Variants in C1orf185 observed in about 807,000 individuals in gnomAD.
C1orf185 encodes the protein chromosome 1 open reading frame 185, also known as uncharacterized protein C1orf185.
In C1orf185, 13 loss-of-function variants were observed where a neutral mutation model predicts 16.1. The observed-to-expected ratio is 0.81, with a 90% CI of 0.53 to 1.28. C1orf185 has a LOEUF of 1.28. Among genes scored for constraint, C1orf185 ranks in the 50% most tolerant of loss-of-function variants. C1orf185 has a pLI of 0.00. For synonymous variants in C1orf185, 80 were observed against 76.9 expected (o/e 1.04, Z -0.21); for missense variants, 220 against 225.2 (o/e 0.98, Z 0.15).
Position 51,147,699 on chromosome 1 carries a change from A to G in C1orf185, c.528A>G (p.Glu176=), listed in dbSNP as rs1341194516. 1.3e-6 allele frequency: 2 copies of G among 1,551,442 alleles called. No homozygotes were observed. Among genetic ancestry groups the G allele is most frequent in the East Asian group, 2.4e-5 (1 of 40,900 alleles). Residue 176 remains glutamate (E), a synonymous_variant, in exon 5 of 5, where the codon GAA becomes GAG. Transcript: ENST00000371759. ...PMPSLGEPLM[E]KVFSYLSTIS... ...CTTCTCTCGGGGAACCTCTAATGGA[A>G]AAAGTATTTTCATACCTGTCAACCA...
At chr1:51,108,398 T>G (rs1156421231) in intron 1 of C1orf185, among the ~76,000 whole-genome samples, 6 of 152,188 alleles carry the variant, frequency 3.9e-5, no homozygotes, top group Non-Finnish European at 7.4e-5. Flanking sequence ...TATTGGGCTA[T>G]CCCTCACCTC....
At chr1:51,130,862 T>A (rs1646278066) in intron 3 of C1orf185, among the ~76,000 whole-genome samples, 1 of 152,196 alleles carries the variant, frequency 6.6e-6, no homozygotes, top group African/African-American at 2.4e-5. Context: ...TATCATAGTT[T>A]TACATCTTAC....
chr1:51,136,540 T>C (rs1266076671), intron 3 of C1orf185, among the ~76,000 whole-genome samples: 1 of 152,058 alleles, frequency 6.6e-6, no homozygotes, highest in African/African-American at 2.4e-5. Context: ...TGTTTTGTAC[T>C]GGTACAAAAA....
chr1:51,128,213 G>C (rs150470320), intron 3 of C1orf185, among the ~76,000 whole-genome samples: 1 of 152,024 alleles, frequency 6.6e-6, no homozygotes. Context: ...TCATGGGAAA[G>C]TACCTGAACC....
Position 51,127,885 on chromosome 1 carries a change from GTTTTTT to G in C1orf185, c.258+9099_258+9104del, listed in dbSNP as rs769457494. Among the ~76,000 whole-genome samples, 10 of 115,326 alleles carry G rather than the reference GTTTTTT, an allele frequency of 8.7e-5. No individual in the cohort carries two copies. The Admixed American group carries it at 9.1e-4, about 10-fold the overall frequency. 75.7% of individuals were successfully genotyped at this position (115,326 alleles called of 152,430 possible). A position where few individuals can be genotyped will look rare whatever the true frequency, so the allele number is the denominator to read the frequency against. ...ATATATTCTCATTTTTCTTTTCTTT[GTTTTTT>G]TTTTTTTTTTTTTTGAGATAGAGTC... is the stretch of plus-strand genomic sequence containing the variant. On this transcript the variant is annotated intron_variant, in intron 3 of 4. Coordinates refer to ENST00000371759, the MANE Select transcript of C1orf185 (RefSeq NM_001136508.2).
intron 1 of C1orf185, among the ~76,000 whole-genome samples, chr1:51,103,391 G>A (rs1646046098): frequency 7.2e-6 from 1 of 139,012 alleles, no homozygotes; most frequent in African/African-American, 2.6e-5. Context: ...GGGCAACAGA[G>A]TGAGATCTTG....
rs1646410634 is a variant in C1orf185 at position 51,147,713 on chromosome 1, A to G, written c.542A>G (p.Tyr181Cys). 6.4e-7 allele frequency: 1 copy of G among 1,551,014 alleles called. No individual in the cohort carries two copies. The highest frequency in any genetic ancestry group is 1.4e-5 in the African/African-American group (1 of 73,124). ...CCTCTAATGGAAAAAGTATTTTCAT[A>G]CCTGTCAACCATTTCATTAGAAGAG... ...GEPLMEKVFSYLSTISLEEGT... is the reference protein window; with the variant it reads ...GEPLMEKVFSCLSTISLEEGT... Residue 181 changes from tyrosine (Y) to cysteine (C), a missense_variant, in exon 5 of 5, where the codon TAC (tyrosine) becomes TGC (cysteine). By Grantham distance (194) the Tyr-to-Cys change is radical (BLOSUM62 -2). Transcript: ENST00000371759.
rs1217708587 is a variant in C1orf185, at chr1:51,112,471, T to A, written c.24T>A (p.Phe8Leu). 4 of 1,542,116 alleles carry A rather than the reference T, an allele frequency of 2.6e-6. No homozygotes were observed. The highest frequency in any genetic ancestry group is 2.8e-5 in the African/African-American group (2 of 72,328). Residue 8 changes from phenylalanine to leucine, a missense_variant, in exon 2 of 5, where the codon TTT becomes TTA. Phe to Leu is a conservative substitution (Grantham distance 22). Transcript: ENST00000371759. The stretch of plus-strand genomic sequence containing the variant: ...TGTAATTTGTTTGTATAGGTTTTTT[T>A]AATTACTTGACCTATTTTCTTGCTG... MASPKGF[F>L]NYLTYFLAAG...
At chr1:51,102,795 T>C (rs1294971751) in intron 1 of C1orf185, among the ~76,000 whole-genome samples, 1 of 152,100 alleles carries the variant, frequency 6.6e-6, no homozygotes, top group African/African-American at 2.4e-5. Flanking sequence ...CTTTTTCAAC[T>C]TGTAATTTGT....
At chr1:51,103,925 A>C (rs1463918685) in intron 1 of C1orf185, among the ~76,000 whole-genome samples, 2 of 152,240 alleles carry the variant, frequency 1.3e-5, no homozygotes, top group Admixed American at 1.3e-4. Context: ...AAGTGAGAAC[A>C]TTAAGATCCA....
chr1:51,105,790 G>A (rs1052943697), intron 1 of C1orf185, among the ~76,000 whole-genome samples: 6 of 152,104 alleles, frequency 3.9e-5, no homozygotes, highest in African/African-American at 9.7e-5. Context: ...TATATAATAC[G>A]ACTTTATGAT....
intron 3 of C1orf185, among the ~76,000 whole-genome samples, chr1:51,119,029 A>G (rs1262788897): frequency 6.6e-6 from 1 of 152,218 alleles, no homozygotes; most frequent in Non-Finnish European, 1.5e-5. Flanking sequence ...TGCATTCCAC[A>G]TATTGGGATT....
chr1:51,106,979 G>C (rs578186024), intron 1 of C1orf185, among the ~76,000 whole-genome samples: 11 of 152,238 alleles, frequency 7.2e-5, no homozygotes, highest in Admixed American at 5.2e-4. Flanking sequence ...GGATGGTTTT[G>C]ATCTCCTGAC....
chr1:51,112,513 G>T lies in C1orf185; in HGVS notation c.66G>T (p.Leu22Phe). 6.4e-7 allele frequency: 1 copy of T among 1,550,468 alleles called. No individual in the cohort carries two copies. The highest frequency in any genetic ancestry group is 1.2e-5 in the South Asian group (1 of 83,808). Reference sequence around the variant, plus strand: ...TTCTTGCTGCTGGTGCTGTCACTTTGGGAATTGGTTTCTTTGCTTTGGCAT... The same window carrying T: ...TTCTTGCTGCTGGTGCTGTCACTTTTGGAATTGGTTTCTTTGCTTTGGCAT... ...TYFLAAGAVT[L>F]GIGFFALASA... The change falls in exon 2 of 5, where the codon TTG becomes TTT. Residue 22 changes from leucine (L) to phenylalanine (F), a missense_variant. By Grantham distance (22) the Leu-to-Phe change is conservative. Transcript: ENST00000371759.
At chr1:51,133,568 G>A (rs1027511255) in intron 3 of C1orf185, among the ~76,000 whole-genome samples, 1 of 152,182 alleles carries the variant, frequency 6.6e-6, no homozygotes, top group Admixed American at 6.5e-5. Context: ...AGTTCTTAGA[G>A]ACCTTCAAAG....
intron 3 of C1orf185, among the ~76,000 whole-genome samples, chr1:51,140,597 T>A (rs1445857087): frequency 6.6e-6 from 1 of 152,194 alleles, no homozygotes; most frequent in Non-Finnish European, 1.5e-5. Flanking sequence ...TATAATTCAG[T>A]AGTCATCTAG....
Position 51,140,252 on chromosome 1 carries a change from T to C in C1orf185, c.259-5472T>C, listed in dbSNP as rs146798230. On this transcript the variant is annotated intron_variant, in intron 3 of 4. Transcript: ENST00000371759. ...TTTGTGCAAATTACATCCTTCAGAA[T>C]TTATTTTAATGGGTATCTTTTGGTT... 3.6e-3 allele frequency among the ~76,000 whole-genome samples: 545 copies of C among 152,320 alleles called. 1 individual carries two copies. Among genetic ancestry groups the C allele is most frequent in the Non-Finnish European group, 4.4e-3 (300 of 68,022 alleles).
Position 51,118,684 on chromosome 1 carries a change from C to A in C1orf185, c.141C>A (p.Ser47=). ...TTTTCAGAGAAATATTTCAAAATTC[C>A]AAATTTAAAGCAATTGATGAGAGAT... ...ICKRREIFQN[S]KFKAIDERCR... The change falls in exon 3 of 5, where the codon TCC becomes TCA. Residue 47 remains serine (S), a synonymous_variant. Transcript: ENST00000371759. 1 of 1,408,286 alleles carries A rather than the reference C, an allele frequency of 7.1e-7. No homozygotes were observed. Among genetic ancestry groups the A allele is most frequent in the South Asian group, 1.7e-5 (1 of 60,228 alleles). 87.2% of individuals were successfully genotyped at this position (1,408,286 alleles called of 1,614,324 possible).
chr1:51,135,980 T>C (rs1053344487), intron 3 of C1orf185, among the ~76,000 whole-genome samples: 1 of 152,170 alleles, frequency 6.6e-6, no homozygotes, highest in Non-Finnish European at 1.5e-5. Flanking sequence ...AAACTCAATG[T>C]GCAAAAATTA....
Sources: allele counts gnomAD v4.1 joint callset (sites outside exome capture counted in the v4.1 genomes callset), GRCh38; gene constraint gnomAD v4.1.1; transcripts MANE v1.5; gene names NCBI Gene and HGNC (gene_info 2026-07-23, HGNC 2026-07-21).